MUSK: variants seen among roughly 807,000 people sequenced by gnomAD.
MUSK encodes the protein muscle associated receptor tyrosine kinase, also known as muscle, skeletal receptor tyrosine-protein kinase.
MUSK carries 55 observed loss-of-function variants against 88.7 expected under a neutral mutation model. The ratio of observed to expected loss-of-function variants is 0.62; its 90% confidence interval spans 0.50 to 0.78. MUSK has a LOEUF of 0.78. MUSK is among the 30% of genes least tolerant of loss of function. The probability of loss-of-function intolerance (pLI) is 0.00; values close to 1 mark genes in which losing one functional copy is unlikely to be tolerated. For missense variants in MUSK, 1,015 were observed against 1,074.3 expected (o/e 0.94, Z 0.77); for synonymous variants, 387 against 391.9 (o/e 0.99, Z 0.15).
At chr9:110,766,767 T>C (rs1464044054) in intron 8 of MUSK, among the ~76,000 whole-genome samples, 1 of 152,218 alleles carries the variant, frequency 6.6e-6, no homozygotes, top group Non-Finnish European at 1.5e-5. Flanking sequence ...GTTGTACAAA[T>C]CTAAATGAGA....
intron 12 of MUSK, 30 bp downstream of exon 12, chr9:110,785,046 T>C (rs1189827664): frequency 1.9e-6 from 3 of 1,579,762 alleles, no homozygotes; most frequent in Non-Finnish European, 2.6e-6. Flanking sequence ...TAACCATGTG[T>C]AGTAATATTT....
chr9:110,785,575 A>G lies in MUSK; in HGVS notation c.1635A>G (p.Leu545=). ...CCACACTGCCTTCTGAGCTCTTACTAGATAGACTTCATCCCAACCCCATGT... is the reference window on the plus strand; with the variant it reads ...CCACACTGCCTTCTGAGCTCTTACTGGATAGACTTCATCCCAACCCCATGT... The part of the protein sequence containing the change: ...TLTTLPSELL[L]DRLHPNPMYQ... Residue 545 remains leucine (L), a synonymous_variant, in exon 13 of 15, where the codon CTA becomes CTG. Coordinates refer to ENST00000374448, the MANE Select transcript of MUSK (RefSeq NM_005592.4). The G allele has an allele frequency of 6.2e-7, 1 of 1,613,326 alleles. No homozygotes were observed. Among genetic ancestry groups the G allele is most frequent in the Non-Finnish European group, 8.5e-7 (1 of 1,179,562 alleles).
intron 1 of MUSK, among the ~76,000 whole-genome samples, chr9:110,676,499 A>C (rs2076032749): frequency 1.3e-5 from 2 of 152,028 alleles, no homozygotes; most frequent in South Asian, 4.2e-4. Flanking sequence ...CCCATCACCT[A>C]AATAACTGGG....
intron 5 of MUSK, chr9:110,727,308 T>G (rs1462558419): frequency 6.6e-6 from 1 of 152,056 alleles, no homozygotes; most frequent in Non-Finnish European, 1.5e-5. Context: ...AAAAGGGGGT[T>G]GAATTTCTGG....
intron 11 of MUSK, among the ~76,000 whole-genome samples, chr9:110,781,782 G>A (rs2077765295): frequency 6.6e-6 from 1 of 152,172 alleles, no homozygotes; most frequent in Admixed American, 6.5e-5. Context: ...GGGCGAGGGA[G>A]CTTTCTTGGA....
intron 7 of MUSK, among the ~76,000 whole-genome samples, chr9:110,756,375 T>C (rs1000606703): frequency 1.3e-5 from 2 of 151,984 alleles, no homozygotes. Flanking sequence ...CTGGGGTTCT[T>C]TGTCTGGTGT....
rs1215205513 is a variant in MUSK, at chr9:110,801,558, G to T, written c.*570G>T. 6.6e-6 allele frequency: 1 copy of T among 152,172 alleles called. No individual in the cohort carries two copies. 9.4% of individuals were successfully genotyped at this position (152,172 alleles called of 1,614,324 possible). ...ATATTTGTTTGTATTCTGCAGAGTTGTGGTTACATTTTATTGATAGAGGGT... is the reference window on the plus strand; with the variant it reads ...ATATTTGTTTGTATTCTGCAGAGTTTTGGTTACATTTTATTGATAGAGGGT... On this transcript the variant is annotated 3_prime_UTR_variant, in exon 15 of 15. Coordinates refer to ENST00000374448, the MANE Select transcript of MUSK (RefSeq NM_005592.4).
At chr9:110,742,609 G>T (rs1383581510) in intron 6 of MUSK, among the ~76,000 whole-genome samples, 2 of 152,190 alleles carry the variant, frequency 1.3e-5, no homozygotes, top group African/African-American at 4.8e-5. Context: ...GAAGATAAAT[G>T]ATTATTCTCT....
chr9:110,771,772 C>A (rs966581287), intron 9 of MUSK, among the ~76,000 whole-genome samples: 8 of 152,040 alleles, frequency 5.3e-5, no homozygotes, highest in Admixed American at 6.6e-5. Flanking sequence ...TCATCAGCCA[C>A]AACAAAAAAG....
Position 110,747,665 on chromosome 9 carries a change from A to C in MUSK, c.778A>C (p.Ser260Arg). The C allele has an allele frequency of 6.2e-7, 1 of 1,613,612 alleles. No individual in the cohort carries two copies. The highest frequency in any genetic ancestry group is 8.5e-7 in the Non-Finnish European group (1 of 1,179,668). ...GGTTTCTTCTGGGTCCATTCAAGAG[A>C]GTGTGAAAGACCGAGTGATTGACTC... ...NAVSSGSIQE[S>R]VKDRVIDSRL... Residue 260 changes from serine to arginine, a missense_variant, in exon 7 of 15, where the codon AGT becomes CGT. Transcript: ENST00000374448.
chr9:110,761,383 G>A (rs1452910860), intron 7 of MUSK, among the ~76,000 whole-genome samples: 1 of 152,100 alleles, frequency 6.6e-6, no homozygotes, highest in Non-Finnish European at 1.5e-5. Context: ...CCTTCTGAGT[G>A]CAGATGCCAT....
intron 5 of MUSK, among the ~76,000 whole-genome samples, chr9:110,726,268 C>T (rs112077687): frequency 2.0e-5 from 3 of 152,090 alleles, no homozygotes; most frequent in African/African-American, 7.2e-5. Context: ...GTCTTGAGTT[C>T]ATCCACTGTT....
Position 110,755,967 on chromosome 9 carries a change from TATATATATATAC to T in MUSK, c.914-6223_914-6212del, listed in dbSNP as rs1564268914. On this transcript the variant is annotated intron_variant, in intron 7 of 14. Coordinates refer to ENST00000374448, the MANE Select transcript of MUSK (RefSeq NM_005592.4). Reference sequence around the variant, plus strand: ...ATATATATACACATATATATATACATATATATATATACATATATATATATATATATGAATTTA... The same window carrying T: ...ATATATATACACATATATATATACATATATATATATATATATATGAATTTA... Among the ~76,000 whole-genome samples the T allele has an allele frequency of 2.0e-4, 12 of 58,844 alleles. 1 individual carries two copies. The highest frequency in any genetic ancestry group is 3.1e-4 in the African/African-American group (6 of 19,526). 38.6% of individuals were successfully genotyped at this position (58,844 alleles called of 152,430 possible). A position where few individuals can be genotyped will look rare whatever the true frequency, so the allele number is the denominator to read the frequency against.
chr9:110,671,078 A>T (rs3010814), intron 1 of MUSK, among the ~76,000 whole-genome samples: 81,847 of 151,804 alleles, frequency 0.54, 23,034 homozygotes, highest in African/African-American at 0.7. Context: ...TTCAAGCTAT[A>T]CTCCTGCCTC....
At chr9:110,773,168 G>A (rs183673154) in intron 9 of MUSK, among the ~76,000 whole-genome samples, 1 of 152,060 alleles carries the variant, frequency 6.6e-6, no homozygotes, top group East Asian at 1.9e-4. Context: ...ATATATTAAT[G>A]AACATAATAA....
chr9:110,734,092 TG>T (rs2076998583), intron 5 of MUSK, among the ~76,000 whole-genome samples, 158 bp from the exon 6 acceptor site: 1 of 152,038 alleles, frequency 6.6e-6, no homozygotes, highest in Non-Finnish European at 1.5e-5. Context: ...ATAAAGGGCT[TG>T]GAGGCTCGGC....
intron 8 of MUSK, among the ~76,000 whole-genome samples, chr9:110,766,293 G>A (rs2077484518): frequency 1.3e-5 from 2 of 152,158 alleles, no homozygotes; most frequent in Admixed American, 1.3e-4. Flanking sequence ...CCTTCACCTT[G>A]GGGTGTCGTT....
intron 3 of MUSK, among the ~76,000 whole-genome samples, chr9:110,689,386 T>C (rs1359454153): frequency 2.6e-5 from 3 of 114,476 alleles, no homozygotes; most frequent in South Asian, 5.2e-4. Context: ...ATGTAAAAAA[T>C]ATAAAAATAT....
intron 7 of MUSK, chr9:110,748,028 A>G (rs1275744205): frequency 1.5e-6 from 1 of 678,542 alleles, no homozygotes. Flanking sequence ...GTGGTAGGTA[A>G]CAGCTTCCAG....
Sources: allele counts gnomAD v4.1 joint callset (sites outside exome capture counted in the v4.1 genomes callset), GRCh38; gene constraint gnomAD v4.1.1; transcripts MANE v1.5; gene names NCBI Gene and HGNC (gene_info 2026-07-23, HGNC 2026-07-21).